Variants in PRKN observed in about 807,000 individuals in gnomAD.
PRKN encodes parkin RBR E3 ubiquitin protein ligase.
PRKN carries 56 observed loss-of-function variants against 59.5 expected under a neutral mutation model. The ratio of observed to expected loss-of-function variants is 0.94; its 90% CI spans 0.76 to 1.18. The LOEUF is 1.18. PRKN is among the 50% of genes most tolerant of loss of function. PRKN has a pLI of 0.00. For missense variants in PRKN, 657 were observed against 596.4 expected (o/e 1.10, Z -1.06); for synonymous variants, 250 against 222.1 (o/e 1.13, Z -1.12).
At chr6:161,684,779 G>A (rs1785494055) in intron 7 of PRKN, among the ~76,000 whole-genome samples, 1 of 147,912 alleles carries the variant, frequency 6.8e-6, no homozygotes, top group South Asian at 2.1e-4. Flanking sequence ...CATAGAAAGT[G>A]CTTTTTTAAA....
At chr6:162,502,832 A>T (rs925400491) in intron 1 of PRKN, among the ~76,000 whole-genome samples, 2 of 152,098 alleles carry the variant, frequency 1.3e-5, no homozygotes, top group Non-Finnish European at 2.9e-5. Context: ...ATTTTATCCA[A>T]CTAGTTTGGA....
At chr6:161,647,176 C>A (rs530488634) in intron 7 of PRKN, among the ~76,000 whole-genome samples, 1 of 152,200 alleles carries the variant, frequency 6.6e-6, no homozygotes, top group Non-Finnish European at 1.5e-5. Flanking sequence ...ATTCACCGAA[C>A]CCTTCCCTGA....
At position 161,391,964 on chromosome 6, in the gene PRKN, C is replaced by T. The variant is rs1314065549; in HGVS notation, c.1084-5087G>A. ...CTGTGTATACACAGATATATAGATACAATGTGTGCCTGCATGTATATATAT... is the reference window on the plus strand; with the variant it reads ...CTGTGTATACACAGATATATAGATATAATGTGTGCCTGCATGTATATATAT... On this transcript the variant is annotated intron_variant, in intron 9 of 11. Transcript: ENST00000366898. This position sits in a 1 kb window ranked among gnomAD's most constrained non-coding sequence, Gnocchi z 4.9. Among the ~76,000 whole-genome samples, 1 of 151,824 alleles carries T rather than the reference C, an allele frequency of 6.6e-6. No individual in the cohort carries two copies.
chr6:162,068,673 C>G (rs80344230), intron 4 of PRKN, among the ~76,000 whole-genome samples: 10,446 of 152,280 alleles, frequency 0.069, 547 homozygotes, highest in South Asian at 0.17. Context: ...AGGAGAGGGT[C>G]TGCTCCAGTC....
intron 7 of PRKN, among the ~76,000 whole-genome samples, chr6:161,627,721 C>A (rs1184827561): frequency 6.6e-6 from 1 of 152,124 alleles, no homozygotes; most frequent in Non-Finnish European, 1.5e-5. Flanking sequence ...TTGTGTGGAC[C>A]CCATTGGTGC....
rs566622228 is a variant in PRKN at position 161,509,064 on chromosome 6, G to A, written c.1083+39790C>T. ...TCTCCATGTTGGTCAGGCTAGTCTC[G>A]AACTCCTGACCTCAGGTGATCCGCC... On this transcript the variant is annotated intron_variant, in intron 9 of 11. Coordinates refer to ENST00000366898, the MANE Select transcript of PRKN (RefSeq NM_004562.3). 2.8e-3 allele frequency among the ~76,000 whole-genome samples: 429 copies of A among 152,160 alleles called. 11 individuals carry two copies. The highest frequency in any genetic ancestry group is 6.8e-3 in the Middle Eastern group (2 of 294).
At chr6:162,521,202 T>C (rs939444193) in intron 1 of PRKN, among the ~76,000 whole-genome samples, 7 of 152,202 alleles carry the variant, frequency 4.6e-5, no homozygotes, top group Admixed American at 2.0e-4. Context: ...CTATCTACAC[T>C]CATTTCACAA....
intron 9 of PRKN, among the ~76,000 whole-genome samples, chr6:161,443,745 G>T (rs1045379175): frequency 5.9e-5 from 9 of 152,114 alleles, no homozygotes; most frequent in African/African-American, 2.2e-4. Context: ...TTTACCTTTG[G>T]TAGAAACAAG....
intron 1 of PRKN, among the ~76,000 whole-genome samples, chr6:162,572,704 T>A (rs1490210602): frequency 6.6e-6 from 1 of 152,178 alleles, no homozygotes; most frequent in Admixed American, 6.5e-5. Flanking sequence ...ATTAAAGGAA[T>A]CTCACTAGCT....
intron 1 of PRKN, among the ~76,000 whole-genome samples, chr6:162,716,588 T>C (rs1313012701): frequency 2.0e-5 from 3 of 152,158 alleles, no homozygotes; most frequent in African/African-American, 7.2e-5. Flanking sequence ...TCCCCTTCTC[T>C]ACAGGATACA....
intron 6 of PRKN, among the ~76,000 whole-genome samples, chr6:161,942,625 T>C (rs897871155): frequency 4.6e-5 from 7 of 152,178 alleles, no homozygotes; most frequent in Admixed American, 2.0e-4. Context: ...GTGCATGACA[T>C]TGGAATTGCA....
Position 162,136,931 on chromosome 6 carries a change from T to C in PRKN, c.534+64200A>G, listed in dbSNP as rs539470964. Among the ~76,000 whole-genome samples, 726 of 152,120 alleles carry C rather than the reference T, an allele frequency of 4.8e-3. 6 individuals are homozygous for C. The highest frequency in any genetic ancestry group is 0.016 in the African/African-American group (681 of 41,570). ...TTATTTATCCACATTTATTAAAATA[T>C]TTACTTTGTAAGTATAAAAATATTT... On this transcript the variant is annotated intron_variant, in intron 4 of 11. Transcript: ENST00000366898.
At chr6:162,716,417 G>T (rs1778722591) in intron 1 of PRKN, among the ~76,000 whole-genome samples, 1 of 152,112 alleles carries the variant, frequency 6.6e-6, no homozygotes, top group Admixed American at 6.5e-5. Context: ...ATTTACAAAG[G>T]ACAGGACAAT....
At chr6:162,469,021 A>G (rs1583624853) in intron 1 of PRKN, among the ~76,000 whole-genome samples, 1 of 152,252 alleles carries the variant, frequency 6.6e-6, no homozygotes, top group East Asian at 1.9e-4. Flanking sequence ...TACCAACTAC[A>G]TATTTACAAA....
At chr6:162,725,521 AGGCG>A (rs1278612893) in intron 1 of PRKN, among the ~76,000 whole-genome samples, 5 of 152,146 alleles carry the variant, frequency 3.3e-5, no homozygotes. Flanking sequence ...GCACTTTCAG[AGGCG>A]AATGCGGGAG....
At chr6:161,728,832 G>A (rs1241812519) in intron 7 of PRKN, among the ~76,000 whole-genome samples, 1 of 152,124 alleles carries the variant, frequency 6.6e-6, no homozygotes, top group African/African-American at 2.4e-5. Flanking sequence ...AACCAGGCAG[G>A]AGCCTAATAG....
intron 1 of PRKN, among the ~76,000 whole-genome samples, chr6:162,446,196 C>T (rs1790310364): frequency 6.6e-6 from 1 of 152,126 alleles, no homozygotes; most frequent in African/African-American, 2.4e-5. Context: ...ACCAATTCAT[C>T]AGAAAAGACA....
rs1483491058 is a variant in PRKN, at chr6:162,149,955, T to C, written c.534+51176A>G. ...GAATGTTTTGTCTTGGAAAGCACTG[T>C]ATGGTATAAAGACTCTACATTCCTG... is the stretch of plus-strand genomic sequence containing the variant. On this transcript the variant is annotated intron_variant, in intron 4 of 11. Coordinates refer to ENST00000366898, the MANE Select transcript of PRKN (RefSeq NM_004562.3). Among the ~76,000 whole-genome samples, 3 of 152,270 alleles carry C rather than the reference T, an allele frequency of 2.0e-5. No homozygotes were observed. The East Asian group carries it at 5.8e-4, about 30-fold the overall frequency.
At position 162,208,934 on chromosome 6, in the gene PRKN, T is replaced by C. The variant is rs139980934; in HGVS notation, c.413-7682A>G. On this transcript the variant is annotated intron_variant, in intron 3 of 11. Transcript: ENST00000366898. ...AACTGGATCCCTTCCTTACACCTTA[T>C]ACAAAAATTAAATCAAGATGGATTA... Among the ~76,000 whole-genome samples, 1,463 of 152,190 alleles carry C rather than the reference T, an allele frequency of 9.6e-3. 9 individuals carry two copies. Among genetic ancestry groups the C allele is most frequent in the Admixed American group, 0.015 (233 of 15,270 alleles).
Sources: gnomAD v4.1 joint callset for allele counts (sites outside exome capture counted in the v4.1 genomes callset) on GRCh38, gnomAD v4.1.1 for gene constraint, Gnocchi (gnomAD v3.1) non-coding constraint, MANE v1.5 for transcripts, NCBI Gene and HGNC (gene_info 2026-07-23, HGNC 2026-07-21) for gene names.